Variants in HDAC9 observed in about 807,000 individuals in gnomAD.
The protein encoded by HDAC9 is MEF-2 interacting transcription repressor (MITR) protein.
In HDAC9, 41 loss-of-function variants were observed where a neutral mutation model predicts 139.4. That is an observed-to-expected ratio of 0.29 (90% CI 0.23 to 0.38). The LOEUF (loss-of-function observed/expected upper bound fraction) is 0.38, where lower values mean the gene tolerates loss of function less well. Ranked by LOEUF, HDAC9 falls within the 10% of genes least tolerant of loss-of-function variation. HDAC9 has a pLI of 1.00. For missense variants in HDAC9, 1,147 were observed against 1,297.0 expected (o/e 0.88, Z 1.78); for synonymous variants, 517 against 476.2 (o/e 1.09, Z -1.12).
At chr7:18,861,406 G>A (rs944636765) in intron 21 of HDAC9, among the ~76,000 whole-genome samples, 1 of 152,112 alleles carries the variant, frequency 6.6e-6, no homozygotes, top group African/African-American at 2.4e-5. Context: ...AATTAGATAA[G>A]AATCAGTTTA....
At position 18,996,025 on chromosome 7, in the gene HDAC9, C is replaced by T. The variant is rs182332467; in HGVS notation, c.3173C>T (p.Thr1058Ile). Residue 1058 changes from threonine (T) to isoleucine (I), a missense_variant and splice_region_variant, in exon 26 of 26, where the codon ACT (threonine) becomes ATT (isoleucine). Transcript: ENST00000686413. ...TGATTGCCTGTTTATTTTTACAGAA[C>T]TGCTGGTGAGCCTATGGAAGAGGAG... Reference protein sequence around the residue: ...EQPFAQEDSRTAGEPMEEEPA... With the variant: ...EQPFAQEDSRIAGEPMEEEPA... 286 of 1,601,380 alleles carry T rather than the reference C, an allele frequency of 1.8e-4. No homozygotes were observed. The highest frequency in any genetic ancestry group is 2.3e-4 in the Non-Finnish European group (273 of 1,173,670).
rs2128138662 is a variant in HDAC9 at position 18,495,761 on chromosome 7, A to G, written c.-304A>G. ...ACTGAGAAAGGGGGAAGAGAGGCAC[A>G]GACACAGATAGGAGAAGGGCACCGG... On this transcript the variant is annotated 5_prime_UTR_variant, in exon 1 of 26. Coordinates refer to ENST00000686413, the MANE Select transcript of HDAC9 (RefSeq NM_178425.4). 1.0e-6 allele frequency: 1 copy of G among 992,274 alleles called. No homozygotes were observed. The highest frequency in any genetic ancestry group is 4.7e-5 in the South Asian group (1 of 21,448). 61.5% of individuals were successfully genotyped at this position (992,274 alleles called of 1,614,324 possible). A position where few individuals can be genotyped will look rare whatever the true frequency, so the allele number is the denominator to read the frequency against.
intron 2 of HDAC9, among the ~76,000 whole-genome samples, chr7:18,255,527 C>G (rs1201870776): frequency 1.3e-5 from 2 of 151,548 alleles, no homozygotes; most frequent in Admixed American, 1.3e-4. Flanking sequence ...AGCTCGGAAA[C>G]ATAGGTTGTG....
chr7:18,760,955 C>A (rs1023395884), intron 14 of HDAC9, among the ~76,000 whole-genome samples: 1 of 152,194 alleles, frequency 6.6e-6, no homozygotes, highest in Non-Finnish European at 1.5e-5. Flanking sequence ...GAGGTGTTGT[C>A]ACCTGATGTT....
At chr7:18,188,958 A>G (rs1790124168) in intron 2 of HDAC9, among the ~76,000 whole-genome samples, 1 of 152,232 alleles carries the variant, frequency 6.6e-6, no homozygotes, top group African/African-American at 2.4e-5. Flanking sequence ...ATCTAGAATC[A>G]GAAATACCAT....
intron 1 of HDAC9, among the ~76,000 whole-genome samples, chr7:18,114,359 T>C (rs1333948778): frequency 1.3e-5 from 2 of 152,232 alleles, no homozygotes; most frequent in Non-Finnish European, 2.9e-5. Flanking sequence ...CCCACATCTA[T>C]ATTGGGAGAC....
At chr7:18,907,748 A>G (rs567601280) in intron 22 of HDAC9, among the ~76,000 whole-genome samples, 35 of 150,894 alleles carry the variant, frequency 2.3e-4, no homozygotes, top group Non-Finnish European at 4.4e-4. Flanking sequence ...AGCATGAGCC[A>G]TTCTTACAGT....
intron 6 of HDAC9, among the ~76,000 whole-genome samples, chr7:18,622,327 G>GTATT (rs1055751105): frequency 5.9e-5 from 9 of 152,156 alleles, no homozygotes; most frequent in South Asian, 2.1e-4. Flanking sequence ...ATGTATGTAT[G>GTATT]TATTTATTTA....
At chr7:18,709,193 C>T (rs1784163928) in intron 12 of HDAC9, among the ~76,000 whole-genome samples, 1 of 152,060 alleles carries the variant, frequency 6.6e-6, no homozygotes, top group African/African-American at 2.4e-5. Flanking sequence ...CGTCCCCTCA[C>T]TCTCTACCTC....
chr7:18,990,974 C>G (rs1585507279), intron 25 of HDAC9, among the ~76,000 whole-genome samples: 1 of 152,352 alleles, frequency 6.6e-6, no homozygotes, highest in East Asian at 1.9e-4. Flanking sequence ...AACCCGGTAC[C>G]TCAGATGGAA....
intron 17 of HDAC9, among the ~76,000 whole-genome samples, chr7:18,804,430 A>G (rs1166965145): frequency 1.3e-5 from 2 of 152,178 alleles, no homozygotes; most frequent in African/African-American, 4.8e-5. Flanking sequence ...TACGTAAATA[A>G]TATTAAAAAT....
At chr7:18,863,967 C>A (rs527357699) in intron 21 of HDAC9, among the ~76,000 whole-genome samples, 20 of 152,112 alleles carry the variant, frequency 1.3e-4, no homozygotes, top group African/African-American at 4.8e-4. Flanking sequence ...ATTCTGATTT[C>A]GATTCTTTTG....
chr7:18,964,321 C>G (rs759357592), intron 24 of HDAC9, among the ~76,000 whole-genome samples: 2 of 152,050 alleles, frequency 1.3e-5, no homozygotes, highest in Non-Finnish European at 2.9e-5. Flanking sequence ...TTAATTGTCC[C>G]TTGATCAGAT....
intron 24 of HDAC9, among the ~76,000 whole-genome samples, chr7:18,958,734 G>T (rs1783329212): frequency 6.6e-6 from 1 of 152,102 alleles, no homozygotes; most frequent in South Asian, 2.1e-4. Flanking sequence ...TTCTAAGCCT[G>T]CGTTGATTTT....
At chr7:18,300,934 A>G (rs1798499766) in intron 1 of HDAC9, among the ~76,000 whole-genome samples, 1 of 152,178 alleles carries the variant, frequency 6.6e-6, no homozygotes, top group Admixed American at 6.5e-5. Context: ...AATAAGGGAG[A>G]GCTCACACTA....
upstream of HDAC9, among the ~76,000 whole-genome samples, chr7:18,495,520 C>T (rs1796738573): frequency 6.6e-6 from 1 of 151,926 alleles, no homozygotes; most frequent in Admixed American, 6.6e-5. Flanking sequence ...TAAGGCCCTG[C>T]GATAGAGAAT....
At chr7:18,249,077 G>A (rs933175072) in intron 2 of HDAC9, among the ~76,000 whole-genome samples, 2 of 151,970 alleles carry the variant, frequency 1.3e-5, no homozygotes, top group East Asian at 3.9e-4. Flanking sequence ...TATTATACCA[G>A]TTTTCCCAAA....
At chr7:18,180,311 T>C (rs1789319711) in intron 2 of HDAC9, among the ~76,000 whole-genome samples, 1 of 151,440 alleles carries the variant, frequency 6.6e-6, no homozygotes. Context: ...TGCTGTAAAT[T>C]CATTATATAT....
chr7:18,677,620 C>A (rs914500125), intron 12 of HDAC9, among the ~76,000 whole-genome samples: 1 of 151,858 alleles, frequency 6.6e-6, no homozygotes, highest in Non-Finnish European at 1.5e-5. Context: ...TATTACTCTG[C>A]GTTCTTGTTT....
Sources: allele counts gnomAD v4.1 joint callset (sites outside exome capture counted in the v4.1 genomes callset), GRCh38; gene constraint gnomAD v4.1.1; transcripts MANE v1.5; gene names NCBI Gene and HGNC (gene_info 2026-07-23, HGNC 2026-07-21).